Variants in MAP2 observed in about 807,000 individuals in gnomAD.
The protein encoded by MAP2 is microtubule associated protein 2, also known as microtubule-associated protein 2.
A neutral mutation model predicts 137.6 loss-of-function variants in MAP2; 14 were observed. That is an observed-to-expected ratio of 0.10 (90% CI 0.07 to 0.16). The LOEUF (loss-of-function observed/expected upper bound fraction) is 0.16. MAP2 is among the 10% of genes least tolerant of loss of function. The pLI, the probability that MAP2 is intolerant of heterozygous loss-of-function variation, is 1.00. For missense variants in MAP2, 2,088 were observed against 2,191.5 expected (o/e 0.95, Z 0.94); for synonymous variants, 786 against 782.3 (o/e 1.00, Z -0.08).
chr2:209,518,571 TC>T (rs1559267210), intron 2 of MAP2, among the ~76,000 whole-genome samples: 1 of 152,090 alleles, frequency 6.6e-6, no homozygotes, highest in Non-Finnish European at 1.5e-5. Flanking sequence ...CCTCTTCTTT[TC>T]TTCCTTCTTT....
chr2:209,728,960 C>A (rs965707318), intron 14 of MAP2, among the ~76,000 whole-genome samples: 1 of 152,166 alleles, frequency 6.6e-6, no homozygotes, highest in Non-Finnish European at 1.5e-5. Flanking sequence ...CACTTTTTAT[C>A]TAGATCAAAT....
chr2:209,539,701 TAAC>T (rs886432279), intron 2 of MAP2, among the ~76,000 whole-genome samples: 16 of 150,650 alleles, frequency 1.1e-4, no homozygotes, highest in African/African-American at 3.7e-4. Flanking sequence ...TTTTTAAAAT[TAAC>T]AATCTGCTTT....
intron 2 of MAP2, among the ~76,000 whole-genome samples, chr2:209,546,691 G>C (rs1332780525): frequency 6.6e-6 from 1 of 152,176 alleles, no homozygotes. Flanking sequence ...TAGGAGTAAA[G>C]CAGTACAAAA....
rs1377647944 is a variant in MAP2, at chr2:209,696,368, T to C, written c.4180+18T>C. 6.6e-7 allele frequency: 1 copy of C among 1,526,248 alleles called. No individual in the cohort carries two copies. Among genetic ancestry groups the C allele is most frequent in the Non-Finnish European group, 8.7e-7 (1 of 1,143,972 alleles). 94.5% of individuals were successfully genotyped at this position (1,526,248 alleles called of 1,614,324 possible). ...CACTCAAGGTGTGCATTATTATTAT[T>C]ATTATTTTAACTCAAACACAATAAC... On this transcript the variant is annotated intron_variant, in intron 8 of 15. Transcript: ENST00000682079.
At chr2:209,614,900 C>T (rs1373118612) in intron 3 of MAP2, among the ~76,000 whole-genome samples, 2 of 152,190 alleles carry the variant, frequency 1.3e-5, no homozygotes, top group Non-Finnish European at 2.9e-5. Context: ...TTCCGCAAGA[C>T]TCCAGTGAGT....
intron 2 of MAP2, among the ~76,000 whole-genome samples, chr2:209,546,910 G>A (rs1003552887): frequency 3.1e-4 from 47 of 152,168 alleles, no homozygotes; most frequent in Non-Finnish European, 6.5e-4. Flanking sequence ...GATTTTAATA[G>A]CCTAGCCAGT....
chr2:209,548,832 G>T (rs771730721), intron 2 of MAP2, among the ~76,000 whole-genome samples: 3 of 152,124 alleles, frequency 2.0e-5, no homozygotes, highest in African/African-American at 4.8e-5. Flanking sequence ...TTGTTGAAGA[G>T]GTGCTTTGCT....
At chr2:209,550,353 G>A (rs1287789964) in intron 2 of MAP2, among the ~76,000 whole-genome samples, 1 of 152,046 alleles carries the variant, frequency 6.6e-6, no homozygotes, top group Admixed American at 6.5e-5. Flanking sequence ...GCTTTATAAA[G>A]TAGTATAATG....
chr2:209,607,505 G>A (rs943272567), intron 3 of MAP2, among the ~76,000 whole-genome samples: 21 of 152,208 alleles, frequency 1.4e-4, no homozygotes, highest in African/African-American at 5.1e-4. Flanking sequence ...CACAATCTCA[G>A]CTCATTGCAA....
At chr2:209,501,037 CAAAA>C (rs34783349) in intron 1 of MAP2, among the ~76,000 whole-genome samples, 1 of 115,382 alleles carries the variant, frequency 8.7e-6, no homozygotes. Context: ...GACCCTGTCT[CAAAA>C]AAAAAAAAAA....
chr2:209,536,967 G>A (rs888359205), intron 2 of MAP2, among the ~76,000 whole-genome samples: 2 of 152,126 alleles, frequency 1.3e-5, no homozygotes, highest in African/African-American at 4.8e-5. Context: ...GCTCACAGTG[G>A]CGGGACATGT....
chr2:209,699,111 T>C (rs139948231), intron 10 of MAP2, among the ~76,000 whole-genome samples: 2 of 152,260 alleles, frequency 1.3e-5, no homozygotes, highest in African/African-American at 4.8e-5. Flanking sequence ...TAGGTGTCAT[T>C]GGTTTGAAGC....
At chr2:209,484,575 A>G (rs2058132570) in intron 1 of MAP2, among the ~76,000 whole-genome samples, 1 of 152,176 alleles carries the variant, frequency 6.6e-6, no homozygotes, top group Non-Finnish European at 1.5e-5. Flanking sequence ...CTGTATTCCC[A>G]GCTACTCGGG....
chr2:209,451,659 G>GC (rs1196208695), intron 1 of MAP2, among the ~76,000 whole-genome samples: 2 of 152,164 alleles, frequency 1.3e-5, no homozygotes, highest in East Asian at 1.9e-4. Context: ...TCTAATTGGA[G>GC]CCTGACACAT....
intron 1 of MAP2, among the ~76,000 whole-genome samples, chr2:209,469,123 T>C (rs1704979056): frequency 6.6e-6 from 1 of 152,222 alleles, no homozygotes; most frequent in South Asian, 2.1e-4. Context: ...TAAACAGATT[T>C]ATGACCTGAG....
At chr2:209,599,903 T>C (rs902372163) in intron 3 of MAP2, among the ~76,000 whole-genome samples, 1 of 151,834 alleles carries the variant, frequency 6.6e-6, no homozygotes, top group African/African-American at 2.4e-5. Flanking sequence ...ATTGAGGGGG[T>C]TAATGAAGAT....
chr2:209,652,069 G>A (rs756723416), intron 4 of MAP2, among the ~76,000 whole-genome samples: 2 of 152,156 alleles, frequency 1.3e-5, no homozygotes, highest in Non-Finnish European at 2.9e-5. Context: ...TTACTGTGGA[G>A]ACGATAAGCC....
chr2:209,579,946 A>G (rs1209654084), intron 2 of MAP2, 90 bp from the exon 3 acceptor site: 1 of 151,482 alleles, frequency 6.6e-6, no homozygotes, highest in Non-Finnish European at 1.5e-5. Flanking sequence ...TAAAGAATGC[A>G]TTTGCTTACT....
chr2:209,524,413 T>C (rs2063727470), intron 2 of MAP2, among the ~76,000 whole-genome samples: 1 of 152,090 alleles, frequency 6.6e-6, no homozygotes, highest in Non-Finnish European at 1.5e-5. Flanking sequence ...GATAGAGATA[T>C]ACATTGGAAT....
Sources: allele counts gnomAD v4.1 joint callset (sites outside exome capture counted in the v4.1 genomes callset), GRCh38; gene constraint gnomAD v4.1.1; transcripts MANE v1.5; gene names NCBI Gene and HGNC (gene_info 2026-07-23, HGNC 2026-07-21).